The following CALN1 variants were observed in gnomAD, a reference collection of about 807,000 sequenced individuals.
CALN1 encodes calcium-binding protein 8.
In CALN1, 17 loss-of-function variants were observed where a neutral mutation model predicts 30.6. The ratio of observed to expected loss-of-function variants is 0.56; its 90% CI spans 0.38 to 0.83. CALN1 has a LOEUF of 0.83. Ranked by LOEUF, CALN1 falls within the 40% of genes least tolerant of loss-of-function variation. The pLI, the probability that CALN1 is intolerant of heterozygous loss-of-function variation, is 0.00. For missense variants in CALN1, 291 were observed against 354.9 expected (o/e 0.82, Z 1.45); for synonymous variants, 156 against 131.4 (o/e 1.19, Z -1.28).
intron 5 of CALN1, among the ~76,000 whole-genome samples, chr7:71,875,160 CAAAAAAAAAAAAA>C (rs3063970): frequency 8.9e-4 from 61 of 68,754 alleles, no homozygotes; most frequent in African/African-American, 3.2e-3. Flanking sequence ...GACTCTGTCT[CAAAAAAAAAAAAA>C]AAAAAAAAAA....
intron 5 of CALN1, among the ~76,000 whole-genome samples, chr7:72,010,240 G>A (rs1239350831): frequency 6.6e-6 from 1 of 152,092 alleles, no homozygotes. Context: ...CTCATAAAAA[G>A]GATTAATCCC....
intron 3 of CALN1, among the ~76,000 whole-genome samples, chr7:72,140,522 T>C (rs1226979361): frequency 6.6e-6 from 1 of 152,148 alleles, no homozygotes; most frequent in Admixed American, 6.6e-5. Flanking sequence ...TTGCTGAAAG[T>C]ATTTCCCTCT....
At chr7:72,322,352 A>G (rs946599529) in intron 2 of CALN1, among the ~76,000 whole-genome samples, 4 of 152,168 alleles carry the variant, frequency 2.6e-5, no homozygotes, top group African/African-American at 9.7e-5. Flanking sequence ...GTGGCTGTAA[A>G]TACAGAAGCA....
At chr7:72,350,427 A>G (rs1307991601) in intron 2 of CALN1, among the ~76,000 whole-genome samples, 2 of 152,198 alleles carry the variant, frequency 1.3e-5, no homozygotes, top group Non-Finnish European at 2.9e-5. Flanking sequence ...TGGCACATAC[A>G]CACCATGGAA....
At chr7:72,027,826 G>C (rs1269838415) in intron 4 of CALN1, among the ~76,000 whole-genome samples, 1 of 151,578 alleles carries the variant, frequency 6.6e-6, no homozygotes, top group Non-Finnish European at 1.5e-5. Flanking sequence ...GGGAGGCCGA[G>C]GTGGGCGGAT....
At chr7:72,393,288 C>T (rs947833904) in intron 2 of CALN1, among the ~76,000 whole-genome samples, 4 of 152,040 alleles carry the variant, frequency 2.6e-5, no homozygotes, top group Non-Finnish European at 5.9e-5. Flanking sequence ...CACGGTGAAA[C>T]CCCATCTCTA....
intron 3 of CALN1, among the ~76,000 whole-genome samples, chr7:72,270,469 A>G (rs1585316870): frequency 1.3e-5 from 2 of 152,370 alleles, no homozygotes; most frequent in African/African-American, 4.8e-5. Context: ...AAAAAAGAAG[A>G]TAAAAGTTTT....
At chr7:72,135,602 G>A (rs950520083) in intron 3 of CALN1, among the ~76,000 whole-genome samples, 1 of 152,154 alleles carries the variant, frequency 6.6e-6, no homozygotes, top group East Asian at 1.9e-4. Flanking sequence ...GCTATAAACA[G>A]ATGTGCTGTC....
chr7:72,399,159 C>T (rs983156192), intron 2 of CALN1, among the ~76,000 whole-genome samples: 37 of 151,876 alleles, frequency 2.4e-4, no homozygotes, highest in African/African-American at 8.2e-4. Flanking sequence ...GGATCTTCTG[C>T]AGTAACGTAG....
chr7:71,840,572 A>T (rs1416944478), intron 5 of CALN1, among the ~76,000 whole-genome samples: 1 of 151,976 alleles, frequency 6.6e-6, no homozygotes, highest in Non-Finnish European at 1.5e-5. Flanking sequence ...TGTGTGGAAG[A>T]AATTGTCCAG....
upstream of CALN1, among the ~76,000 whole-genome samples, chr7:72,412,788 A>G (rs978253378): frequency 2.6e-5 from 4 of 152,244 alleles, no homozygotes; most frequent in African/African-American, 9.6e-5. Context: ...TTCTAGAAGC[A>G]GTCAAGCCAC....
At chr7:72,487,954 GA>G in the CALN1 span, among the ~76,000 whole-genome samples, 625 of 58,434 alleles carry the variant, frequency 0.011, 4 homozygotes, top group African/African-American at 0.038. Context: ...AGGAAGGAAG[GA>G]AAGGAAGGAA....
intron 2 of CALN1, among the ~76,000 whole-genome samples, chr7:72,311,865 A>T (rs533204553): frequency 6.6e-6 from 1 of 152,012 alleles, no homozygotes; most frequent in East Asian, 1.9e-4. Flanking sequence ...CAAGGCTCAG[A>T]CTTTGAAGAA....
At chr7:72,117,740 T>C (rs1193571821) in intron 3 of CALN1, among the ~76,000 whole-genome samples, 3 of 151,946 alleles carry the variant, frequency 2.0e-5, no homozygotes, top group African/African-American at 7.3e-5. Context: ...GGCAGATCAC[T>C]TGAGGTCAGG....
rs201085314 is a variant in CALN1, at chr7:72,169,492, T to A, written c.245-63198A>T. ...ATGCCACCACACCCAGCTGATTATTTTTTTTTTTTTTTCAGATACAGAATC... is the reference window on the plus strand; with the variant it reads ...ATGCCACCACACCCAGCTGATTATTATTTTTTTTTTTTCAGATACAGAATC... On this transcript the variant is annotated intron_variant, in intron 3 of 6. Transcript: ENST00000395275. Among the ~76,000 whole-genome samples the A allele has an allele frequency of 6.6e-3, 586 of 88,242 alleles. 4 individuals carry two copies. Among genetic ancestry groups the A allele is most frequent in the African/African-American group, 0.018 (407 of 22,390 alleles). The allele number at this position is 88,242 out of a possible 152,430, so 57.9% of individuals were successfully genotyped here.
At chr7:71,923,728 A>G (rs1231925993) in intron 5 of CALN1, among the ~76,000 whole-genome samples, 3 of 152,168 alleles carry the variant, frequency 2.0e-5, no homozygotes, top group African/African-American at 7.2e-5. Flanking sequence ...CCTCCTAAGG[A>G]TGCTCATATC....
intron 2 of CALN1, among the ~76,000 whole-genome samples, chr7:72,311,992 T>C (rs1585444123): frequency 6.6e-6 from 1 of 152,100 alleles, no homozygotes. Flanking sequence ...AGAAGCAACC[T>C]GCCACAGGCG....
intron 2 of CALN1, among the ~76,000 whole-genome samples, chr7:72,320,732 G>C (rs1054597546): frequency 6.0e-5 from 9 of 150,890 alleles, no homozygotes; most frequent in African/African-American, 2.2e-4. Context: ...CTACTCGGGA[G>C]CCTGAGACAG....
At chr7:71,865,262 G>A (rs767924290) in intron 5 of CALN1, among the ~76,000 whole-genome samples, 2 of 152,144 alleles carry the variant, frequency 1.3e-5, no homozygotes, top group Non-Finnish European at 2.9e-5. Context: ...CCTGTCAAGA[G>A]TGAGTTATTG....
Sources: gnomAD v4.1 joint callset for allele counts (sites outside exome capture counted in the v4.1 genomes callset) on GRCh38, gnomAD v4.1.1 for gene constraint, MANE v1.5 for transcripts, NCBI Gene and HGNC (gene_info 2026-07-23, HGNC 2026-07-21) for gene names.